TSPAN5: variants seen among roughly 807,000 people sequenced by gnomAD.
TSPAN5 encodes the protein tetraspanin-5.
TSPAN5 carries 10 observed loss-of-function variants against 37.1 expected under a neutral mutation model. That is an observed-to-expected ratio of 0.27 (90% CI 0.17 to 0.46). TSPAN5 has a LOEUF of 0.46. TSPAN5 is among the 20% of genes least tolerant of loss of function. The probability of loss-of-function intolerance (pLI) is 1.00; values close to 1 mark genes in which losing one functional copy is unlikely to be tolerated. For missense variants in TSPAN5, 195 were observed against 326.6 expected, an observed-to-expected ratio of 0.60 and a Z score of 3.11; for synonymous variants, 110 against 118.9, an observed-to-expected ratio of 0.93 and a Z score of 0.48.
intron 2 of TSPAN5, among the ~76,000 whole-genome samples, chr4:98,504,320 T>C (rs1355195602): frequency 6.6e-6 from 1 of 152,156 alleles, no homozygotes; most frequent in Non-Finnish European, 1.5e-5. Context: ...TTCACCACAC[T>C]GTCTACCAGG....
At chr4:98,503,918 A>G (rs977634397) in intron 2 of TSPAN5, among the ~76,000 whole-genome samples, 2 of 152,208 alleles carry the variant, frequency 1.3e-5, no homozygotes, top group Admixed American at 6.5e-5. Context: ...AGCAGATCCT[A>G]TGATCTCTGA....
chr4:98,658,176 G>C lies in TSPAN5; in HGVS notation c.51C>G (p.Tyr17Ter). The change falls in exon 1 of 8, where the codon TAC (tyrosine) becomes TAG (stop). Residue 17 changes from tyrosine (Y) to a stop codon, truncating the protein, a stop_gained. Transcript: ENST00000305798. LOFTEE classifies it high-confidence loss of function. ...ATATGACATTGAAGCCAAATATGAA[G>C]TATTTGATGCAACAACTGACTTCAG... Reference protein sequence around the residue: ...KGPEVSCCIKYFIFGFNVIFW... With the variant: ...KGPEVSCCIK 6.2e-7 allele frequency: 1 copy of C among 1,614,056 alleles called. No individual in the cohort carries two copies. Among genetic ancestry groups the C allele is most frequent in the Non-Finnish European group, 8.5e-7 (1 of 1,179,916 alleles).
chr4:98,520,378 C>T (rs17564872), intron 1 of TSPAN5, among the ~76,000 whole-genome samples: 33,197 of 152,176 alleles, frequency 0.22, 3,766 homozygotes, highest in South Asian at 0.25. Flanking sequence ...AGCATGACCA[C>T]CAGACACTGG....
At chr4:98,617,215 C>A (rs114300293) in intron 1 of TSPAN5, among the ~76,000 whole-genome samples, 3,251 of 152,150 alleles carry the variant, frequency 0.021, 54 homozygotes, top group South Asian at 0.051. Context: ...TACCAAAATA[C>A]ATGTATACCT....
intron 2 of TSPAN5, among the ~76,000 whole-genome samples, chr4:98,494,638 A>T (rs1414083498): frequency 6.6e-6 from 1 of 152,086 alleles, no homozygotes; most frequent in Non-Finnish European, 1.5e-5. Context: ...GTATATTGCC[A>T]TAATCACTGT....
chr4:98,500,610 T>C (rs548842216), intron 2 of TSPAN5, among the ~76,000 whole-genome samples: 3 of 152,196 alleles, frequency 2.0e-5, no homozygotes, highest in South Asian at 2.1e-4. Flanking sequence ...ACCTATGAAA[T>C]AGAATGTCAT....
At chr4:98,599,085 T>C (rs1164283347) in intron 1 of TSPAN5, among the ~76,000 whole-genome samples, 1 of 152,122 alleles carries the variant, frequency 6.6e-6, no homozygotes, top group African/African-American at 2.4e-5. Flanking sequence ...AATATAAAAG[T>C]GCGAAATAAC....
chr4:98,613,207 G>A (rs1756243233), intron 1 of TSPAN5, among the ~76,000 whole-genome samples: 1 of 149,940 alleles, frequency 6.7e-6, no homozygotes, highest in South Asian at 2.1e-4. Context: ...GTACTAACTT[G>A]ACATTTTCCT....
intron 3 of TSPAN5, 64 bp from the exon 4 acceptor site, chr4:98,482,239 ATGG>A (rs1048987414): frequency 1.4e-6 from 2 of 1,465,448 alleles, no homozygotes; most frequent in Non-Finnish European, 1.9e-6. Context: ...ATATAGCTAA[ATGG>A]TTCCTCTCTA....
At chr4:98,515,899 C>G (rs1330086146) in intron 1 of TSPAN5, among the ~76,000 whole-genome samples, 1 of 152,128 alleles carries the variant, frequency 6.6e-6, no homozygotes, top group Admixed American at 6.5e-5. Flanking sequence ...ATGACTAGCC[C>G]CAGAACTTTT....
At chr4:98,616,765 T>C (rs1756348971) in intron 1 of TSPAN5, among the ~76,000 whole-genome samples, 1 of 152,120 alleles carries the variant, frequency 6.6e-6, no homozygotes, top group Non-Finnish European at 1.5e-5. Flanking sequence ...TGGGACAAGA[T>C]CATTTACGAG....
chr4:98,532,259 T>C (rs1487110705), intron 1 of TSPAN5, among the ~76,000 whole-genome samples: 2 of 152,246 alleles, frequency 1.3e-5, no homozygotes, highest in South Asian at 2.1e-4. Context: ...GGGATAGCAT[T>C]GAATCTATAA....
intron 1 of TSPAN5, among the ~76,000 whole-genome samples, chr4:98,584,626 T>G (rs375309957): frequency 6.6e-6 from 1 of 152,362 alleles, no homozygotes; most frequent in Non-Finnish European, 1.5e-5. Flanking sequence ...GTACTGTATT[T>G]GAAAAATCAT....
rs1754705272 is a variant in TSPAN5, at chr4:98,554,930, A to G, written c.82-47202T>C. On this transcript the variant is annotated intron_variant, in intron 1 of 7. Transcript: ENST00000305798. ...CATGTTCAAGGTGGGGGTTGGGGAGAGGAAGTGACATGAGTATAAAAATCC... is the reference window on the plus strand; with the variant it reads ...CATGTTCAAGGTGGGGGTTGGGGAGGGGAAGTGACATGAGTATAAAAATCC... Among the ~76,000 whole-genome samples, 2 of 152,200 alleles carry G rather than the reference A, an allele frequency of 1.3e-5. 1 individual carries two copies. Among genetic ancestry groups the G allele is most frequent in the South Asian group, 4.1e-4 (2 of 4,824 alleles).
intron 1 of TSPAN5, among the ~76,000 whole-genome samples, chr4:98,652,554 T>C (rs1051707291): frequency 3.3e-5 from 5 of 152,210 alleles, no homozygotes; most frequent in Non-Finnish European, 7.3e-5. Flanking sequence ...TCTTCTAAAA[T>C]AAGTCTCCAC....
chr4:98,643,414 CT>C (rs767327158), intron 1 of TSPAN5, among the ~76,000 whole-genome samples: 1 of 152,022 alleles, frequency 6.6e-6, no homozygotes, highest in Non-Finnish European at 1.5e-5. Flanking sequence ...CATGACTGTA[CT>C]TTTTTTAAAA....
In TSPAN5 at chr4:98,530,730, T is replaced by TACACACACAC. The variant is rs60087929; in HGVS notation, c.82-23012_82-23003dup. Among the ~76,000 whole-genome samples, 348 of 150,368 alleles carry TACACACACAC rather than the reference T, an allele frequency of 2.3e-3. 2 individuals carry two copies. Among genetic ancestry groups the TACACACACAC allele is most frequent in the African/African-American group, 8.1e-3 (330 of 40,952 alleles). Reference sequence around the variant, plus strand: ...TTACACAACATATACACACATATTATACACACACACACACACACACACATA... The same window carrying TACACACACAC: ...TTACACAACATATACACACATATTATACACACACACACACACACACACACACACACACATA... On this transcript the variant is annotated intron_variant, in intron 1 of 7. Transcript: ENST00000305798.
At chr4:98,487,212 A>G (rs1175153531) in intron 2 of TSPAN5, among the ~76,000 whole-genome samples, 1 of 147,896 alleles carries the variant, frequency 6.8e-6, no homozygotes, top group Non-Finnish European at 1.5e-5. Context: ...AAACGTGTTC[A>G]TATTTTTGGG....
chr4:98,588,774 G>A (rs1308726213), intron 1 of TSPAN5, among the ~76,000 whole-genome samples: 1 of 152,198 alleles, frequency 6.6e-6, no homozygotes, highest in Non-Finnish European at 1.5e-5. Context: ...CTTGTGTGTG[G>A]CCTAGAAGAC....
Sources: gnomAD v4.1 joint callset for allele counts (sites outside exome capture counted in the v4.1 genomes callset) on GRCh38, gnomAD v4.1.1 for gene constraint, MANE v1.5 for transcripts, NCBI Gene and HGNC (gene_info 2026-07-23, HGNC 2026-07-21) for gene names.